Variants in BCL2L1 observed in about 807,000 individuals in gnomAD.
The protein encoded by BCL2L1 is BCL2 like 1, also known as bcl-2-like protein 1.
BCL2L1 carries 1 observed loss-of-function variant against 18.7 expected under a neutral mutation model. The observed-to-expected ratio is 0.05, with a 90% confidence interval of 0.02 to 0.25. BCL2L1 has a LOEUF of 0.25. Ranked by LOEUF, BCL2L1 falls within the 10% of genes least tolerant of loss-of-function variation. The pLI, the probability that BCL2L1 is intolerant of heterozygous loss-of-function variation, is 1.00. For synonymous variants in BCL2L1, 103 were observed against 122.7 expected (o/e 0.84, Z 1.06); for missense variants, 207 against 304.9 (o/e 0.68, Z 2.39).
Position 31,665,923 on chromosome 20 carries a change from G to A in BCL2L1, c.*26C>T, listed in dbSNP as rs754613701. On this transcript the variant is annotated 3_prime_UTR_variant, in exon 3 of 3. Transcript: ENST00000307677. The stretch of plus-strand genomic sequence containing the variant: ...TGGTGGAGCAGAGAAGGGGGTGGGA[G>A]GGTAGAGTGGATGGTCAGTGTCTGG... 2 of 1,610,416 alleles carry A rather than the reference G, an allele frequency of 1.2e-6. No individual in the cohort carries two copies. Among genetic ancestry groups the A allele is most frequent in the African/African-American group, 2.7e-5 (2 of 74,968 alleles).
chr20:31,685,848 G>A (rs2060947477), intron 2 of BCL2L1, among the ~76,000 whole-genome samples: 1 of 152,106 alleles, frequency 6.6e-6, no homozygotes, highest in Non-Finnish European at 1.5e-5. Flanking sequence ...GTGTAACAAT[G>A]GCAACCCACT....
Position 31,664,790 on chromosome 20 carries a change from A to T in BCL2L1, c.*1159T>A, listed in dbSNP as rs188120954. ...CAGCAGAGAGCCCGGGGTGGCTGGG[A>T]CCCCTGGGGATGAGACAGGCCAAGG... On this transcript the variant is annotated 3_prime_UTR_variant, in exon 3 of 3. Coordinates refer to ENST00000307677, the MANE Select transcript of BCL2L1 (RefSeq NM_138578.3). The T allele has an allele frequency of 5.4e-3, 1,204 of 222,726 alleles. 6 individuals are homozygous for T. Among genetic ancestry groups the T allele is most frequent in the Middle Eastern group, 0.014 (10 of 716 alleles). 13.8% of individuals were successfully genotyped at this position (222,726 alleles called of 1,614,324 possible).
intron 2 of BCL2L1, among the ~76,000 whole-genome samples, chr20:31,696,854 G>A (rs946300722): frequency 2.0e-5 from 3 of 151,954 alleles, no homozygotes; most frequent in African/African-American, 4.8e-5. Context: ...TCAGGAGTTC[G>A]AGACGAGCCT....
At chr20:31,720,023 C>T (rs990151200) in intron 2 of BCL2L1, 2 of 904,970 alleles carry the variant, frequency 2.2e-6, no homozygotes, top group African/African-American at 3.6e-5. Context: ...CACAAACCAA[C>T]AGGAACTATT....
intron 2 of BCL2L1, among the ~76,000 whole-genome samples, chr20:31,687,305 C>G (rs2060974546): frequency 6.6e-6 from 1 of 152,048 alleles, no homozygotes; most frequent in Non-Finnish European, 1.5e-5. Context: ...CCAATAGATG[C>G]ACACTGAGAA....
At chr20:31,690,674 A>G (rs1035380429) in intron 2 of BCL2L1, among the ~76,000 whole-genome samples, 12 of 151,768 alleles carry the variant, frequency 7.9e-5, no homozygotes, top group African/African-American at 2.7e-4. Flanking sequence ...GGGTTCAAGC[A>G]ATTCTCATGT....
intron 2 of BCL2L1, among the ~76,000 whole-genome samples, chr20:31,688,693 A>T (rs1196731166): frequency 6.6e-6 from 1 of 152,124 alleles, no homozygotes; most frequent in Admixed American, 6.5e-5. Context: ...CTGTATTCAT[A>T]TATGGGCCAA....
At chr20:31,675,071 A>G (rs2060737956) in intron 2 of BCL2L1, among the ~76,000 whole-genome samples, 1 of 152,048 alleles carries the variant, frequency 6.6e-6, no homozygotes, top group Admixed American at 6.6e-5. Flanking sequence ...TGTGACGAAG[A>G]CCAGGAGGGA....
At chr20:31,704,389 C>T (rs147780367) in intron 2 of BCL2L1, among the ~76,000 whole-genome samples, 7 of 152,044 alleles carry the variant, frequency 4.6e-5, no homozygotes, top group African/African-American at 1.7e-4. Context: ...CATGAGCCAC[C>T]GCGCCCAGCC....
intron 2 of BCL2L1, among the ~76,000 whole-genome samples, chr20:31,694,044 G>A (rs1171638947): frequency 1.3e-5 from 2 of 152,152 alleles, no homozygotes; most frequent in East Asian, 1.9e-4. Flanking sequence ...GGTTAAGCCT[G>A]TTTCTCTGCC....
At chr20:31,718,512 AG>A (rs2061574014) in intron 2 of BCL2L1, among the ~76,000 whole-genome samples, 1 of 152,022 alleles carries the variant, frequency 6.6e-6, no homozygotes, top group African/African-American at 2.4e-5. Context: ...AAAATTAGCC[AG>A]GTGTGGTGGC....
At chr20:31,696,786 T>G (rs972286216) in intron 2 of BCL2L1, among the ~76,000 whole-genome samples, 1 of 152,104 alleles carries the variant, frequency 6.6e-6, no homozygotes, top group Non-Finnish European at 1.5e-5. Context: ...CCGGGTGTGG[T>G]GGCTCACACC....
At chr20:31,718,077 G>C (rs1007135796) in intron 2 of BCL2L1, among the ~76,000 whole-genome samples, 1 of 152,232 alleles carries the variant, frequency 6.6e-6, no homozygotes, top group African/African-American at 2.4e-5. Context: ...AATTATGGCA[G>C]GAGAAGGGCT....
At chr20:31,709,978 G>A (rs1056601171) in intron 2 of BCL2L1, among the ~76,000 whole-genome samples, 20 of 151,372 alleles carry the variant, frequency 1.3e-4, no homozygotes, top group African/African-American at 4.6e-4. Flanking sequence ...GAGCCACCAC[G>A]CCCAGCCACA....
intron 2 of BCL2L1, among the ~76,000 whole-genome samples, chr20:31,691,317 C>CAG (rs1166860301): frequency 2.0e-5 from 3 of 151,192 alleles, no homozygotes. Context: ...AGTTGGAGAC[C>CAG]AGCCTGGCCA....
At chr20:31,687,107 C>T (rs1027212366) in intron 2 of BCL2L1, among the ~76,000 whole-genome samples, 6 of 152,030 alleles carry the variant, frequency 3.9e-5, no homozygotes, top group African/African-American at 9.7e-5. Flanking sequence ...CATATGAAGT[C>T]AGGAGTTTGA....
At chr20:31,723,840 C>T, upstream of BCL2L1, 2 of 985,476 alleles carry the variant, frequency 2.0e-6, no homozygotes, top group Non-Finnish European at 2.4e-6. Context: ...GGACCCGGGC[C>T]GGCCTACCTG....
chr20:31,679,401 C>T (rs2060819113), intron 2 of BCL2L1, among the ~76,000 whole-genome samples: 1 of 152,140 alleles, frequency 6.6e-6, no homozygotes, highest in Admixed American at 6.5e-5. Context: ...TGAAGGGATA[C>T]CTCCAAGGCT....
chr20:31,668,211 C>T (rs377203468), intron 2 of BCL2L1, among the ~76,000 whole-genome samples: 10 of 152,062 alleles, frequency 6.6e-5, no homozygotes, highest in African/African-American at 2.4e-4. Context: ...ACCATGACTC[C>T]CCTCAAATGT....
Sources: gnomAD v4.1 joint callset for allele counts (sites outside exome capture counted in the v4.1 genomes callset) on GRCh38, gnomAD v4.1.1 for gene constraint, MANE v1.5 for transcripts, NCBI Gene and HGNC (gene_info 2026-07-23, HGNC 2026-07-21) for gene names.